The following SYNPR variants were observed in gnomAD, a reference collection of about 807,000 sequenced individuals.
The protein encoded by SYNPR is synaptoporin.
SYNPR carries 23 observed loss-of-function variants against 32.9 expected under a neutral mutation model. That is an observed-to-expected ratio of 0.70 (90% CI 0.50 to 0.99). The LOEUF (loss-of-function observed/expected upper bound fraction) is 0.99, where lower values mean the gene tolerates loss of function less well. Ranked by LOEUF, SYNPR falls within the 50% of genes least tolerant of loss-of-function variation. The pLI is 0.00. For missense variants in SYNPR, 318 were observed against 349.3 expected (o/e 0.91, Z 0.71); for synonymous variants, 146 against 135.9 (o/e 1.07, Z -0.52).
At chr3:63,375,638 G>A (rs2087880125) in intron 2 of SYNPR, among the ~76,000 whole-genome samples, 1 of 152,104 alleles carries the variant, frequency 6.6e-6, no homozygotes, top group South Asian at 2.1e-4. Flanking sequence ...GTTGATGTGT[G>A]CAGCAAACCA....
chr3:63,453,659 T>C (rs1402153077), intron 2 of SYNPR, among the ~76,000 whole-genome samples: 2 of 152,138 alleles, frequency 1.3e-5, no homozygotes, highest in Non-Finnish European at 2.9e-5. Context: ...CTGGAATGGG[T>C]ACTTTGGATC....
intron 3 of SYNPR, among the ~76,000 whole-genome samples, chr3:63,481,893 A>G (rs2106699332): frequency 6.6e-6 from 1 of 152,274 alleles, no homozygotes; most frequent in African/African-American, 2.4e-5. Context: ...AACATTATAC[A>G]TGAGATCATA....
At chr3:63,440,762 A>G (rs2367835) in intron 2 of SYNPR, among the ~76,000 whole-genome samples, 21,614 of 152,106 alleles carry the variant, frequency 0.14, 3,390 homozygotes, top group African/African-American at 0.39. Context: ...ATTCTGGGAC[A>G]CAGCCAGGGT....
At chr3:63,412,436 C>A (rs991280626) in intron 2 of SYNPR, among the ~76,000 whole-genome samples, 1 of 152,154 alleles carries the variant, frequency 6.6e-6, no homozygotes, top group Non-Finnish European at 1.5e-5. Flanking sequence ...TTTTGTCAAG[C>A]ATCTACCTTG....
At chr3:63,499,789 T>G (rs186181201) in intron 3 of SYNPR, among the ~76,000 whole-genome samples, 10 of 152,200 alleles carry the variant, frequency 6.6e-5, no homozygotes, top group Admixed American at 6.5e-4. Flanking sequence ...TCTGTTTCTT[T>G]CTAATACACT....
At chr3:63,465,598 C>A (rs1034572875) in intron 2 of SYNPR, among the ~76,000 whole-genome samples, 1 of 152,072 alleles carries the variant, frequency 6.6e-6, no homozygotes, top group African/African-American at 2.4e-5. Context: ...GCCTCTGCTT[C>A]TTTGTTGTCT....
intron 2 of SYNPR, among the ~76,000 whole-genome samples, chr3:63,471,615 A>C (rs1387047444): frequency 6.6e-6 from 1 of 152,240 alleles, no homozygotes; most frequent in Non-Finnish European, 1.5e-5. Context: ...GGAGTGGAGC[A>C]TGAGGGAGGC....
intron 2 of SYNPR, among the ~76,000 whole-genome samples, chr3:63,366,084 A>G (rs527652769): frequency 6.6e-6 from 1 of 152,352 alleles, no homozygotes; most frequent in Admixed American, 6.5e-5. Context: ...AAGATTTGGA[A>G]GACTGAATTA....
At chr3:63,532,893 A>T (rs1466896062) in intron 3 of SYNPR, among the ~76,000 whole-genome samples, 1 of 152,178 alleles carries the variant, frequency 6.6e-6, no homozygotes, top group African/African-American at 2.4e-5. Flanking sequence ...AATTTTGCAA[A>T]CTCCATTTCC....
intron 2 of SYNPR, among the ~76,000 whole-genome samples, chr3:63,334,379 A>G (rs1227430414): frequency 6.6e-6 from 1 of 152,226 alleles, no homozygotes; most frequent in East Asian, 1.9e-4. Flanking sequence ...CTGTGAGACA[A>G]GAGGTGAAGG....
intron 2 of SYNPR, among the ~76,000 whole-genome samples, chr3:63,296,604 G>T (rs1215438426): frequency 6.6e-6 from 1 of 152,142 alleles, no homozygotes; most frequent in Non-Finnish European, 1.5e-5. Context: ...AAAACATTGG[G>T]AGTACATCTT....
Position 63,454,753 on chromosome 3 carries a change from T to C in SYNPR, c.85-26079T>C, listed in dbSNP as rs1354273968. 4.3e-5 allele frequency among the ~76,000 whole-genome samples: 6 copies of C among 139,394 alleles called. No individual in the cohort carries two copies. In the East Asian group the frequency reaches 1.6e-3, roughly 36 times the overall value. 91.4% of individuals were successfully genotyped at this position (139,394 alleles called of 152,430 possible). ...GGCTCTGGGGTGGCAGAGATCTCTG[T>C]GTGATGTGATGTGATGTGATGTGAT... On this transcript the variant is annotated intron_variant, in intron 2 of 5. Coordinates refer to ENST00000478300, the MANE Select transcript of SYNPR (RefSeq NM_001130003.2).
intron 3 of SYNPR, among the ~76,000 whole-genome samples, chr3:63,509,276 ATATATGTGTGTG>A (rs1051304228): frequency 1.8e-4 from 15 of 84,976 alleles, no homozygotes; most frequent in African/African-American, 7.0e-4. Flanking sequence ...TGAAAGTTAT[ATATATGTGTGTG>A]TATATATATA....
intron 2 of SYNPR, among the ~76,000 whole-genome samples, chr3:63,318,362 G>C (rs1004498632): frequency 2.6e-5 from 4 of 151,988 alleles, no homozygotes; most frequent in Non-Finnish European, 5.9e-5. Flanking sequence ...CAAGCTTTTA[G>C]AATTCTCTTC....
intron 2 of SYNPR, among the ~76,000 whole-genome samples, chr3:63,257,305 G>T (rs1453201179): frequency 6.6e-6 from 1 of 152,130 alleles, no homozygotes; most frequent in African/African-American, 2.4e-5. Context: ...AAAATGTTAA[G>T]GGCAGCCAGA....
At chr3:63,463,618 G>A (rs1700626739) in intron 2 of SYNPR, among the ~76,000 whole-genome samples, 1 of 152,154 alleles carries the variant, frequency 6.6e-6, no homozygotes, top group African/African-American at 2.4e-5. Flanking sequence ...AGAGAATCCT[G>A]AGAAGTATCT....
intron 2 of SYNPR, among the ~76,000 whole-genome samples, chr3:63,263,842 G>T (rs2086459526): frequency 6.6e-6 from 1 of 152,118 alleles, no homozygotes; most frequent in Non-Finnish European, 1.5e-5. Flanking sequence ...ATATGCCATT[G>T]GTGAAGTAGT....
chr3:63,528,978 G>C (rs17068934), intron 3 of SYNPR, among the ~76,000 whole-genome samples: 1 of 152,208 alleles, frequency 6.6e-6, no homozygotes, highest in African/African-American at 2.4e-5. Flanking sequence ...TAAAGGTAAA[G>C]CTGGATTAAA....
At chr3:63,314,828 T>A (rs761014312) in intron 2 of SYNPR, among the ~76,000 whole-genome samples, 1 of 152,040 alleles carries the variant, frequency 6.6e-6, no homozygotes, top group African/African-American at 2.4e-5. Context: ...GTTTTTCCAA[T>A]CTTATCCTCT....
Sources: gnomAD v4.1 joint callset for allele counts (sites outside exome capture counted in the v4.1 genomes callset) on GRCh38, gnomAD v4.1.1 for gene constraint, MANE v1.5 for transcripts, NCBI Gene and HGNC (gene_info 2026-07-23, HGNC 2026-07-21) for gene names.